Variants in UAP1 observed in about 807,000 individuals in gnomAD.
UAP1 encodes UDP-N-acetylhexosamine pyrophosphorylase.
A neutral mutation model predicts 58.5 loss-of-function variants in UAP1; 25 were observed. That is an observed-to-expected ratio of 0.43 (90% confidence interval 0.31 to 0.60). The LOEUF is 0.60. Among genes scored for constraint, UAP1 ranks in the 20% least tolerant of loss-of-function variants. The pLI, the probability that UAP1 is intolerant of heterozygous loss-of-function variation, is 0.11. For synonymous variants in UAP1, 208 were observed against 213.0 expected (o/e 0.98, Z 0.21); for missense variants, 575 against 630.0 (o/e 0.91, Z 0.93).
At chr1:162,573,354 A>G (rs1462739769) in intron 2 of UAP1, among the ~76,000 whole-genome samples, 1 of 152,044 alleles carries the variant, frequency 6.6e-6, no homozygotes, top group African/African-American at 2.4e-5. Flanking sequence ...CCTGATTCAC[A>G]TTTACTAGCT....
intron 8 of UAP1, among the ~76,000 whole-genome samples, chr1:162,590,761 C>G (rs969260775): frequency 3.3e-5 from 5 of 151,626 alleles, no homozygotes; most frequent in Admixed American, 2.0e-4. Flanking sequence ...AACATTGCCA[C>G]CATGACAGCA....
chr1:162,571,107 T>C lies in UAP1; in HGVS notation c.280+4759T>C, dbSNP rs1653833506. Among the ~76,000 whole-genome samples the C allele has an allele frequency of 9.9e-5, 15 of 152,006 alleles. No homozygotes were observed. In the South Asian group the frequency reaches 3.1e-3, roughly 32 times the overall value. ...GTCTGGCTTTCTTTTTTTTTTTTTT[T>C]TTCTAACTTCTGATTTTTTTGTTTG... On this transcript the variant is annotated intron_variant, in intron 2 of 10. Transcript: ENST00000271469.
chr1:162,587,539 A>C, exon 6 of UAP1: 1 of 1,614,106 alleles, frequency 6.2e-7, no homozygotes, highest in Non-Finnish European at 8.5e-7. Flanking sequence ...GGAGTTTACC[A>C]GGTGGTAGAA....
chr1:162,579,760 G>A (rs145506519), intron 4 of UAP1, among the ~76,000 whole-genome samples, 157 bp downstream of exon 4: 1 of 152,314 alleles, frequency 6.6e-6, no homozygotes, highest in African/African-American at 2.4e-5. Context: ...GAAAATGCCC[G>A]TTGGTGTAAT....
At chr1:162,567,107 C>A (rs748940807) in intron 2 of UAP1, among the ~76,000 whole-genome samples, 1 of 152,180 alleles carries the variant, frequency 6.6e-6, no homozygotes, top group Non-Finnish European at 1.5e-5. Flanking sequence ...AGCTAGGTCA[C>A]CTTGTAAGGT....
intron 9 of UAP1, 31 bp downstream of exon 9, chr1:162,592,813 G>A (rs1179870197): frequency 1.3e-6 from 2 of 1,534,108 alleles, no homozygotes; most frequent in South Asian, 1.2e-5. Context: ...ACAGTGCATG[G>A]TGATGGGGCT....
chr1:162,566,046 CA>C, exon 2 of UAP1: 3 of 1,602,022 alleles, frequency 1.9e-6, no homozygotes, highest in African/African-American at 2.7e-5. Context: ...CCTATTTCTA[CA>C]AAGCTTGGCT....
intron 7 of UAP1, among the ~76,000 whole-genome samples, chr1:162,589,183 T>TATATAA (rs1557977543): frequency 1.4e-4 from 13 of 90,774 alleles, no homozygotes; most frequent in African/African-American, 5.3e-4. Context: ...ATATTATATA[T>TATATAA]AATATATATT....
chr1:162,578,099 A>G (rs1226490002), intron 3 of UAP1, among the ~76,000 whole-genome samples: 1 of 152,146 alleles, frequency 6.6e-6, no homozygotes, highest in Non-Finnish European at 1.5e-5. Context: ...TTTTTGGTTC[A>G]GCTCTTTAGT....
At chr1:162,575,964 G>A (rs1654156383) in intron 2 of UAP1, among the ~76,000 whole-genome samples, 1 of 152,096 alleles carries the variant, frequency 6.6e-6, no homozygotes, top group Non-Finnish European at 1.5e-5. Context: ...GTGAGCCACT[G>A]TCCAGCCAAT....
In UAP1 at chr1:162,587,955, G is replaced by A. The variant is rs546513937; in HGVS notation, c.1028+287G>A. 7.6e-5 allele frequency: 20 copies of A among 263,662 alleles called. No homozygotes were observed. The South Asian group carries it at 8.3e-4, about 11-fold the overall frequency. 16.3% of individuals were successfully genotyped at this position (263,662 alleles called of 1,614,324 possible). ...ATGTGCTAGGTTCTGTTGAAGCAAA[G>A]CATAAGAAATGAAACTTTCTTTACC... On this transcript the variant is annotated intron_variant, in intron 6 of 10. Coordinates refer to ENST00000271469, the Ensembl canonical transcript of UAP1.
chr1:162,589,154 T>A (rs866098172), intron 7 of UAP1, among the ~76,000 whole-genome samples: 69 of 92,284 alleles, frequency 7.5e-4, no homozygotes, highest in African/African-American at 2.9e-3. Context: ...ATATAATATA[T>A]ATTATATATA....
At chr1:162,562,228 G>A (rs1436976966) in intron 1 of UAP1, among the ~76,000 whole-genome samples, 1 of 152,110 alleles carries the variant, frequency 6.6e-6, no homozygotes, top group African/African-American at 2.4e-5. Context: ...CCAAGTGTGG[G>A]GGCCTGTAGT....
chr1:162,591,540 C>G (rs1655309603), intron 8 of UAP1, among the ~76,000 whole-genome samples: 1 of 152,154 alleles, frequency 6.6e-6, no homozygotes, highest in African/African-American at 2.4e-5. Flanking sequence ...GGCTGGAGTG[C>G]AATGGCACAA....
chr1:162,589,245 AG>A (rs1655146174), intron 7 of UAP1, among the ~76,000 whole-genome samples: 1 of 125,432 alleles, frequency 8.0e-6, no homozygotes, highest in African/African-American at 3.1e-5. Context: ...ATAAATTTAT[AG>A]TTATATATAA....
chr1:162,577,434 CCTT>C (rs1654262718), intron 3 of UAP1, among the ~76,000 whole-genome samples: 4 of 138,150 alleles, frequency 2.9e-5, no homozygotes, highest in African/African-American at 1.2e-4. Flanking sequence ...TAGTTCCTTC[CCTT>C]TTTTTTTTTT....
exon 2 of UAP1, chr1:162,566,043 C>A: frequency 6.2e-7 from 1 of 1,601,174 alleles, no homozygotes; most frequent in Non-Finnish European, 8.5e-7. Flanking sequence ...ACCCCTATTT[C>A]TACAAAGCTT....
At position 162,592,767 on chromosome 1, in the gene UAP1, C is replaced by T. The variant is rs1321729636; in HGVS notation, c.1394C>T (p.Ala465Val). The change falls in exon 9 of 11, where the codon GCT (alanine) becomes GTT (valine). Residue 465 changes from alanine to valine, a missense_variant. By Grantham distance (64) the Ala-to-Val change is moderately conservative. Coordinates refer to ENST00000271469, the Ensembl canonical transcript of UAP1. ...AATGGGAAGTCAGAGACCATCACAG[C>T]TGATGTCAATCACAAGTAAATATAC... The T allele has an allele frequency of 3.9e-6, 6 of 1,550,378 alleles. No homozygotes were observed. The South Asian group carries it at 5.9e-5, about 15-fold the overall frequency.
At chr1:162,577,355 A>G (rs1175660683) in intron 3 of UAP1, among the ~76,000 whole-genome samples, 10 of 146,610 alleles carry the variant, frequency 6.8e-5, no homozygotes, top group Non-Finnish European at 1.5e-4. Context: ...TATGGGCCAT[A>G]CTTGTGTCCT....
Sources: allele counts gnomAD v4.1 joint callset (sites outside exome capture counted in the v4.1 genomes callset), GRCh38; gene constraint gnomAD v4.1.1; transcripts MANE v1.5; gene names NCBI Gene and HGNC (gene_info 2026-07-23, HGNC 2026-07-21).